Variants in PARP1 observed in about 807,000 individuals in gnomAD.
The protein encoded by PARP1 is poly(ADP-ribose) polymerase 1.
Under a neutral mutation model 118.7 loss-of-function variants are expected in PARP1, and 44 were observed. The observed-to-expected ratio is 0.37, with a 90% confidence interval of 0.29 to 0.48. PARP1 has a LOEUF of 0.48. Ranked by LOEUF, PARP1 falls within the 20% of genes least tolerant of loss-of-function variation. The pLI is 0.99. For synonymous variants in PARP1, 492 were observed against 483.2 expected (o/e 1.02, Z -0.24); for missense variants, 1,100 against 1,272.4 (o/e 0.86, Z 2.06).
At position 226,380,773 on chromosome 1, in the gene PARP1, T is replaced by G. The variant is rs898627919; in HGVS notation, c.1300+295A>C. Among the ~76,000 whole-genome samples, 3 of 152,206 alleles carry G rather than the reference T, an allele frequency of 2.0e-5. No individual in the cohort carries two copies. In the South Asian group the frequency reaches 6.2e-4, roughly 32 times the overall value. On this transcript the variant is annotated intron_variant, in intron 9 of 22. Transcript: ENST00000366794. ...TGAACATTTCCTTTGAGCATCATGT[T>G]GTCACTCAAAAAGTGTTGAATTTTG...
intron 15 of PARP1, among the ~76,000 whole-genome samples, chr1:226,368,878 G>C (rs1316508529): frequency 6.6e-6 from 1 of 152,130 alleles, no homozygotes; most frequent in Admixed American, 6.6e-5. Context: ...ATATGCAAAG[G>C]GTGCACAAAA....
intron 16 of PARP1, 114 bp from the exon 17 acceptor site, chr1:226,367,722 C>T: frequency 8.2e-7 from 1 of 1,222,322 alleles, no homozygotes; most frequent in East Asian, 2.3e-5. Flanking sequence ...GAATGGCAAA[C>T]CCTCCTGCTG....
intron 18 of PARP1, 31 bp from the exon 19 acceptor site, chr1:226,365,185 A>T: frequency 6.2e-7 from 1 of 1,613,096 alleles, no homozygotes; most frequent in Non-Finnish European, 8.5e-7. Flanking sequence ...AGGGAAGGAC[A>T]AAAGAAGCCA....
intron 7 of PARP1, among the ~76,000 whole-genome samples, chr1:226,385,160 T>C (rs958111964): frequency 6.6e-6 from 1 of 152,190 alleles, no homozygotes; most frequent in Non-Finnish European, 1.5e-5. Flanking sequence ...AAACCTTGTA[T>C]CAGAAAGCAG....
intron 14 of PARP1, among the ~76,000 whole-genome samples, chr1:226,373,535 C>T (rs1664434305): frequency 6.6e-6 from 1 of 152,120 alleles, no homozygotes; most frequent in Non-Finnish European, 1.5e-5. Flanking sequence ...GGGCGGAGAG[C>T]GGAGATGAGA....
At chr1:226,363,299 C>T (rs1664189238) in intron 20 of PARP1, 139 bp from the exon 21 acceptor site, 13 of 719,450 alleles carry the variant, frequency 1.8e-5, no homozygotes, top group Admixed American at 5.9e-5. Flanking sequence ...GCTCAGGCTC[C>T]CTCCTGAGTT....
intron 17 of PARP1, chr1:226,367,211 C>T: frequency 2.0e-6 from 1 of 499,602 alleles, no homozygotes; most frequent in Non-Finnish European, 3.6e-6. Context: ...TGGTAAGACC[C>T]TCAAAAATAA....
chr1:226,367,518 T>C lies in PARP1; in HGVS notation c.2368A>G (p.Ile790Val). ...GGSDDSSKDPIDVNYEKLKTD... is the reference protein window; with the variant it reads ...GGSDDSSKDPVDVNYEKLKTD... ...TTGAGCTTCTCATAGTTGACATCGATGGGATCCTTGCTGCTATCATCAGAC... is the reference window on the plus strand; with the variant it reads ...TTGAGCTTCTCATAGTTGACATCGACGGGATCCTTGCTGCTATCATCAGAC... The change falls in exon 17 of 23, where the codon ATC (isoleucine) becomes GTC (valine). Residue 790 changes from isoleucine (I) to valine (V), a missense_variant. Physicochemically the swap from Ile to Val is conservative, Grantham distance 29 (BLOSUM62 3). Transcript: ENST00000366794. 6.2e-7 allele frequency: 1 copy of C among 1,614,166 alleles called. No homozygotes were observed.
chr1:226,370,496 A>G lies in PARP1; in HGVS notation c.2092T>C (p.Leu698=), dbSNP rs139484215. The change falls in exon 15 of 23, where the codon TTG becomes CTG. Residue 698 remains leucine, a synonymous_variant. Coordinates refer to ENST00000366794, the MANE Select transcript of PARP1 (RefSeq NM_001618.4). Reference sequence around the variant, plus strand: ...ATCTGCCTTTTGCTCAGCTTCCCCAAGGGCATCTTCTGAAGGTCGATCTGA... The same window carrying G: ...ATCTGCCTTTTGCTCAGCTTCCCCAGGGGCATCTTCTGAAGGTCGATCTGA... The part of the protein sequence containing the change: ...EYEIDLQKMP[L]GKLSKRQIQA... 5.0e-6 allele frequency: 8 copies of G among 1,613,812 alleles called. No homozygotes were observed. The African/African-American group carries it at 8.0e-5, about 16-fold the overall frequency.
chr1:226,373,706 T>C (rs1248163950), intron 14 of PARP1, among the ~76,000 whole-genome samples: 1 of 152,230 alleles, frequency 6.6e-6, no homozygotes, highest in Non-Finnish European at 1.5e-5. Flanking sequence ...ACAGCAATTT[T>C]CTTTTACTCT....
intron 3 of PARP1, among the ~76,000 whole-genome samples, chr1:226,391,395 C>T (rs539191838): frequency 6.6e-6 from 1 of 152,142 alleles, no homozygotes; most frequent in African/African-American, 2.4e-5. Flanking sequence ...AGTCCCCAGG[C>T]CTGATATTCC....
At chr1:226,396,330 A>C (rs1432518727) in intron 2 of PARP1, among the ~76,000 whole-genome samples, 2 of 151,970 alleles carry the variant, frequency 1.3e-5, no homozygotes, top group Non-Finnish European at 2.9e-5. Flanking sequence ...TGGGCGACAG[A>C]GCAAGACCCT....
intron 2 of PARP1, among the ~76,000 whole-genome samples, chr1:226,400,318 A>C (rs1329175386): frequency 6.6e-6 from 1 of 152,168 alleles, no homozygotes; most frequent in Admixed American, 6.5e-5. Context: ...ACAAAAACAA[A>C]AACAACAACA....
intron 20 of PARP1, among the ~76,000 whole-genome samples, chr1:226,363,689 C>G (rs1664197910): frequency 1.3e-5 from 2 of 152,236 alleles, no homozygotes; most frequent in African/African-American, 4.8e-5. Context: ...CTTCCCAGTC[C>G]ATGGAGAGAA....
chr1:226,392,101 AC>A, intron 3 of PARP1, 97 bp downstream of exon 3: 1 of 829,198 alleles, frequency 1.2e-6, no homozygotes, highest in Admixed American at 1.7e-5. Context: ...TTGAGCTAGC[AC>A]CCTAAAGCCC....
intron 14 of PARP1, among the ~76,000 whole-genome samples, chr1:226,371,365 T>G (rs1664379275): frequency 6.6e-6 from 1 of 152,210 alleles, no homozygotes; most frequent in Non-Finnish European, 1.5e-5. Flanking sequence ...CAGCACTTCC[T>G]GCAGTGCTTG....
chr1:226,376,009 T>C (rs1271604590), intron 13 of PARP1, among the ~76,000 whole-genome samples: 2 of 152,190 alleles, frequency 1.3e-5, no homozygotes, highest in Non-Finnish European at 2.9e-5. Flanking sequence ...TTTTAAAGTA[T>C]TTAACTCAGT....
chr1:226,406,538 C>A (rs1409774503), intron 1 of PARP1, among the ~76,000 whole-genome samples: 1 of 152,212 alleles, frequency 6.6e-6, no homozygotes, highest in Non-Finnish European at 1.5e-5. Context: ...ATCTCGGACT[C>A]CTAGGCACAC....
chr1:226,383,119 G>T lies in PARP1; in HGVS notation c.1076C>A (p.Pro359Gln), dbSNP rs1638878278. ...GGCCGCCACGGAGGCGCTGGTTTCT[G>T]GGGGGAATATACGGTCCTGTTTTTT... Reference protein sequence around the residue: ...KVKKQDRIFPPETSASVAATP... With the variant: ...KVKKQDRIFPQETSASVAATP... Residue 359 changes from proline (P) to glutamine (Q), a missense_variant, in exon 8 of 23, where the codon CCA becomes CAA. Physicochemically the swap from Pro to Gln is moderately conservative, Grantham distance 76. Around this residue, in one of 2 missense-constraint regions of PARP1, gnomAD observed 948 missense variants for 1,031.8 expected, o/e 0.92. Coordinates refer to ENST00000366794, the MANE Select transcript of PARP1 (RefSeq NM_001618.4). 6.2e-7 allele frequency: 1 copy of T among 1,612,298 alleles called. No homozygotes were observed. Among genetic ancestry groups the T allele is most frequent in the Non-Finnish European group, 8.5e-7 (1 of 1,178,936 alleles).
Sources: allele counts gnomAD v4.1 joint callset (sites outside exome capture counted in the v4.1 genomes callset), GRCh38; gene constraint gnomAD v4.1.1; regional missense constraint gnomAD v4.1.1; transcripts MANE v1.5; gene names NCBI Gene and HGNC (gene_info 2026-07-23, HGNC 2026-07-21).